The following STXBP5 variants were observed in gnomAD, a reference collection of about 807,000 sequenced individuals.
STXBP5 encodes syntaxin binding protein 5, also known as syntaxin-binding protein 5.
Under a neutral mutation model 152.4 loss-of-function variants are expected in STXBP5, and 50 were observed. The observed-to-expected ratio is 0.33, with a 90% CI of 0.26 to 0.42. The LOEUF is 0.42. STXBP5 is among the 10% of genes least tolerant of loss of function. The pLI is 1.00. For missense variants in STXBP5, 1,167 were observed against 1,388.6 expected, an observed-to-expected ratio of 0.84 and a Z score of 2.54; for synonymous variants, 492 against 494.7, an observed-to-expected ratio of 0.99 and a Z score of 0.07.
At chr6:147,274,834 A>G (rs1483568224) in intron 7 of STXBP5, among the ~76,000 whole-genome samples, 1 of 152,096 alleles carries the variant, frequency 6.6e-6, no homozygotes, top group African/African-American at 2.4e-5. Context: ...AACATCTATG[A>G]GAAAAGAAAT....
intron 4 of STXBP5, among the ~76,000 whole-genome samples, chr6:147,240,033 C>G (rs1314577825): frequency 4.6e-5 from 7 of 151,924 alleles, no homozygotes; most frequent in African/African-American, 1.7e-4. Flanking sequence ...ACCTCTGCCC[C>G]CCAGGTTCAA....
At chr6:147,224,720 A>G (rs778743567) in intron 2 of STXBP5, among the ~76,000 whole-genome samples, 4 of 152,142 alleles carry the variant, frequency 2.6e-5, no homozygotes, top group Non-Finnish European at 5.9e-5. Context: ...CCCCCATAAC[A>G]GTGTGGATGA....
intron 2 of STXBP5, among the ~76,000 whole-genome samples, chr6:147,234,859 T>C (rs76147314): frequency 0.021 from 3,170 of 152,116 alleles, 96 homozygotes; most frequent in African/African-American, 0.072. Context: ...GACATTTGCC[T>C]ACTTTTCAGA....
At chr6:147,249,020 A>T (rs1361244862) in intron 4 of STXBP5, among the ~76,000 whole-genome samples, 1 of 152,116 alleles carries the variant, frequency 6.6e-6, no homozygotes, top group African/African-American at 2.4e-5. Flanking sequence ...AGGGATTCAG[A>T]CCTACAGCCA....
rs936414368 is a variant in STXBP5, at chr6:147,253,973, C to T, written c.432-6642C>T. Among the ~76,000 whole-genome samples the T allele has an allele frequency of 2.6e-5, 4 of 151,882 alleles. No homozygotes were observed. The South Asian group carries it at 6.3e-4, about 24-fold the overall frequency. On this transcript the variant is annotated intron_variant, in intron 4 of 27. Transcript: ENST00000321680. Reference sequence around the variant, plus strand: ...AAATTTTATGTGGAACCAAAAAGCCCGTATAGCCAAGACAATCCTAAGCGA... The same window carrying T: ...AAATTTTATGTGGAACCAAAAAGCCTGTATAGCCAAGACAATCCTAAGCGA...
Position 147,310,144 on chromosome 6 carries a change from C to T in STXBP5, c.978C>T (p.Cys326=). The T allele has an allele frequency of 2.5e-6, 4 of 1,603,828 alleles. No homozygotes were observed. Among genetic ancestry groups the T allele is most frequent in the Non-Finnish European group, 3.4e-6 (4 of 1,176,982 alleles). The part of the protein sequence containing the change: ...LSYDTVGRRP[C]LTVMHGKSTA... ...ATGATACTGTAGGAAGAAGACCTTG[C>T]TTAACAGTGATGCATGGGAAAAGCA... Residue 326 remains cysteine (C), a synonymous_variant, in exon 10 of 28, where the codon TGC becomes TGT. Transcript: ENST00000321680.
intron 2 of STXBP5, among the ~76,000 whole-genome samples, chr6:147,227,355 C>G (rs1777771137): frequency 6.6e-6 from 1 of 151,996 alleles, no homozygotes; most frequent in Non-Finnish European, 1.5e-5. Flanking sequence ...AAGAACATGC[C>G]CTACCTTGCC....
At position 147,345,207 on chromosome 6, in the gene STXBP5, T is replaced by C. The variant is rs75951971; in HGVS notation, c.2254+5823T>C. 8.1e-3 allele frequency among the ~76,000 whole-genome samples: 1,238 copies of C among 152,296 alleles called. 22 individuals carry two copies. Among genetic ancestry groups the C allele is most frequent in the African/African-American group, 0.028 (1,177 of 41,572 alleles). ...TTTTGGTTCATTTATTCATTGCAAT[T>C]ATTTATTCATTGTGTTTATTAAACA... On this transcript the variant is annotated intron_variant, in intron 21 of 27. Coordinates refer to ENST00000321680, the MANE Select transcript of STXBP5 (RefSeq NM_001127715.4).
At chr6:147,230,792 T>C (rs1333427760) in intron 2 of STXBP5, among the ~76,000 whole-genome samples, 5 of 151,908 alleles carry the variant, frequency 3.3e-5, no homozygotes, top group Non-Finnish European at 7.4e-5. Context: ...TGAGTGGCCT[T>C]GGGCAAGTTA....
At chr6:147,314,206 C>CAG in intron 12 of STXBP5, 58 bp from the exon 13 acceptor site, 1 of 1,444,014 alleles carries the variant, frequency 6.9e-7, no homozygotes, top group African/African-American at 1.4e-5. Context: ...CACACACACA[C>CAG]ACACGGAGGT....
chr6:147,268,052 T>G (rs1779979778), intron 7 of STXBP5, among the ~76,000 whole-genome samples: 1 of 152,184 alleles, frequency 6.6e-6, no homozygotes, highest in Admixed American at 6.5e-5. Context: ...ATTTTAGTAT[T>G]CATCTTAAGG....
At chr6:147,214,481 A>AGT (rs1398547945) in intron 2 of STXBP5, among the ~76,000 whole-genome samples, 2 of 152,186 alleles carry the variant, frequency 1.3e-5, no homozygotes, top group African/African-American at 4.8e-5. Flanking sequence ...AGTGTTCCTC[A>AGT]ATGGCCATGT....
At chr6:147,370,961 T>C (rs544938891) in intron 25 of STXBP5, among the ~76,000 whole-genome samples, 1 of 152,198 alleles carries the variant, frequency 6.6e-6, no homozygotes, top group Admixed American at 6.5e-5. Flanking sequence ...AGCCCATACA[T>C]TGACCCATTC....
intron 9 of STXBP5, among the ~76,000 whole-genome samples, chr6:147,297,531 A>G (rs1781589183): frequency 6.6e-6 from 1 of 152,174 alleles, no homozygotes; most frequent in Non-Finnish European, 1.5e-5. Context: ...TCACAGATAG[A>G]GATAAATTTG....
chr6:147,285,981 G>T (rs530803580), intron 8 of STXBP5, among the ~76,000 whole-genome samples: 1 of 152,192 alleles, frequency 6.6e-6, no homozygotes, highest in South Asian at 2.1e-4. Flanking sequence ...GGTAGAAAGA[G>T]GATAAAAGCC....
intron 21 of STXBP5, among the ~76,000 whole-genome samples, chr6:147,340,852 T>A (rs1479435978): frequency 6.6e-6 from 1 of 152,168 alleles, no homozygotes; most frequent in Non-Finnish European, 1.5e-5. Flanking sequence ...GTGTTGATAA[T>A]GTTATTGGAA....
intron 11 of STXBP5, 53 bp downstream of exon 11, chr6:147,311,580 T>C (rs1782378530): frequency 1.4e-6 from 2 of 1,379,588 alleles, no homozygotes; most frequent in Non-Finnish European, 2.0e-6. Flanking sequence ...TGAAAAAAGA[T>C]GCCTTTTATC....
chr6:147,312,159 A>G (rs1388076482), intron 11 of STXBP5, among the ~76,000 whole-genome samples: 3 of 152,148 alleles, frequency 2.0e-5, no homozygotes, highest in Non-Finnish European at 4.4e-5. Context: ...TTTCACTGCC[A>G]TAAAACTCTA....
chr6:147,322,660 C>A (rs1331855973), intron 16 of STXBP5, among the ~76,000 whole-genome samples: 1 of 152,174 alleles, frequency 6.6e-6, no homozygotes, highest in Non-Finnish European at 1.5e-5. Context: ...CGGAAGTAAC[C>A]AGGCTTTGCA....
Sources: gnomAD v4.1 joint callset for allele counts (sites outside exome capture counted in the v4.1 genomes callset) on GRCh38, gnomAD v4.1.1 for gene constraint, MANE v1.5 for transcripts, NCBI Gene and HGNC (gene_info 2026-07-23, HGNC 2026-07-21) for gene names.